The following MFAP1 variants were observed in gnomAD, a reference collection of about 807,000 sequenced individuals.
The protein encoded by MFAP1 is microfibril associated protein 1.
MFAP1 carries 18 observed loss-of-function variants against 62.2 expected under a neutral mutation model. The ratio of observed to expected loss-of-function variants is 0.29; its 90% confidence interval spans 0.20 to 0.43. MFAP1 has a LOEUF of 0.43. MFAP1 is among the 20% of genes least tolerant of loss of function. The probability of loss-of-function intolerance (pLI) is 1.00; values close to 1 mark genes in which losing one functional copy is unlikely to be tolerated. For synonymous variants in MFAP1, 175 were observed against 180.4 expected (o/e 0.97, Z 0.24); for missense variants, 355 against 559.7 (o/e 0.63, Z 3.69).
intron 8 of MFAP1, 44 bp downstream of exon 8, chr15:43,805,332 C>G: frequency 6.9e-6 from 11 of 1,603,370 alleles, no homozygotes; most frequent in Non-Finnish European, 9.4e-6. Context: ...CCTCAGCTAT[C>G]AATACATCAC....
chr15:43,809,493 TAA>T (rs760823604), intron 7 of MFAP1, among the ~76,000 whole-genome samples: 24 of 139,350 alleles, frequency 1.7e-4, no homozygotes, highest in East Asian at 2.1e-4. Context: ...CTCTGTCTCT[TAA>T]AAAAAAAAAA....
intron 7 of MFAP1, among the ~76,000 whole-genome samples, chr15:43,807,223 C>T (rs1227244970): frequency 1.3e-5 from 2 of 151,330 alleles, no homozygotes; most frequent in African/African-American, 2.4e-5. Context: ...TGGTGGTACA[C>T]GCCTGTATTC....
At chr15:43,819,210 A>AAAACG (rs1422949375) in intron 1 of MFAP1, among the ~76,000 whole-genome samples, 12 of 152,182 alleles carry the variant, frequency 7.9e-5, no homozygotes, top group Non-Finnish European at 1.5e-4. Context: ...AAAACAAAAC[A>AAAACG]AAACAAAATT....
rs548201833 is a variant in MFAP1 at position 43,813,030 on chromosome 15, G to C, written c.844C>G (p.Arg282Gly). 1 of 1,613,994 alleles carries C rather than the reference G, an allele frequency of 6.2e-7. No individual in the cohort carries two copies. Among genetic ancestry groups the C allele is most frequent in the Non-Finnish European group, 8.5e-7 (1 of 1,180,016 alleles). Residue 282 changes from arginine (R) to glycine (G), a missense_variant, in exon 6 of 9, where the codon CGA becomes GGA. Coordinates refer to ENST00000267812, the MANE Select transcript of MFAP1 (RefSeq NM_005926.3). Reference sequence around the variant, plus strand: ...TCCCTCTTGATTCTTTTTAGCTCTCGAACTTTCCATGCCTCATATTCCTCC... The same window carrying C: ...TCCCTCTTGATTCTTTTTAGCTCTCCAACTTTCCATGCCTCATATTCCTCC... ...DEEEYEAWKV[R>G]ELKRIKRDRE... is the part of the protein sequence containing the mutation.
chr15:43,809,110 G>C (rs2141705404), intron 7 of MFAP1, among the ~76,000 whole-genome samples: 1 of 152,262 alleles, frequency 6.6e-6, no homozygotes, highest in Middle Eastern at 3.4e-3. Flanking sequence ...AGCTATGAAA[G>C]AATGACAACT....
intron 1 of MFAP1, among the ~76,000 whole-genome samples, chr15:43,823,394 TG>T (rs1222933916): frequency 6.6e-6 from 1 of 151,288 alleles, no homozygotes; most frequent in African/African-American, 2.4e-5. Context: ...TTTTTTTTTT[TG>T]AGAGAGTGTC....
At position 43,804,919 on chromosome 15, in the gene MFAP1, A is replaced by T; in HGVS notation, c.*175T>A. ...AGTGCTTTCCTGTGGGTTTCTCAGC[A>T]TGAGTCCAAACCTCACAAAGCACCT... On this transcript the variant is annotated 3_prime_UTR_variant, in exon 9 of 9. Transcript: ENST00000267812. The T allele has an allele frequency of 1.7e-6, 1 of 600,046 alleles. No homozygotes were observed. The highest frequency in any genetic ancestry group is 2.8e-6 in the Non-Finnish European group (1 of 361,466). The allele number at this position is 600,046 out of a possible 1,614,324, so 37.2% of individuals were successfully genotyped here. A position where few individuals can be genotyped will look rare whatever the true frequency, so the allele number is the denominator to read the frequency against.
chr15:43,824,602 G>C lies in MFAP1; in HGVS notation c.-33C>G. 6.2e-7 allele frequency: 1 copy of C among 1,611,940 alleles called. No homozygotes were observed. The highest frequency in any genetic ancestry group is 8.5e-7 in the Non-Finnish European group (1 of 1,178,032). ...GCAGCGACGGTGATTCCCGAAACTT[G>C]ACTAATTCCAAACAGTGAACACCAG... On this transcript the variant is annotated 5_prime_UTR_variant, in exon 1 of 9. Transcript: ENST00000267812.
chr15:43,820,733 G>C (rs766747444), intron 1 of MFAP1, among the ~76,000 whole-genome samples: 1 of 152,084 alleles, frequency 6.6e-6, no homozygotes, highest in Non-Finnish European at 1.5e-5. Flanking sequence ...AGCCTCCCAA[G>C]TAGCTGGGAC....
intron 2 of MFAP1, among the ~76,000 whole-genome samples, chr15:43,816,578 T>C (rs149103673): frequency 2.0e-5 from 3 of 152,268 alleles, no homozygotes; most frequent in East Asian, 3.9e-4. Flanking sequence ...GGCAAAGTTA[T>C]TAGGACATAA....
At chr15:43,817,175 T>C in intron 2 of MFAP1, 54 bp downstream of exon 2, 1 of 1,484,476 alleles carries the variant, frequency 6.7e-7, no homozygotes, top group Non-Finnish European at 9.4e-7. Context: ...GCTATTATTA[T>C]TATTATTAAG....
At chr15:43,821,710 T>G (rs1017029378) in intron 1 of MFAP1, among the ~76,000 whole-genome samples, 4 of 152,158 alleles carry the variant, frequency 2.6e-5, no homozygotes, top group Non-Finnish European at 5.9e-5. Flanking sequence ...AAAACTTATC[T>G]TAAATATTTA....
chr15:43,808,257 G>T (rs1040339708), intron 7 of MFAP1, among the ~76,000 whole-genome samples: 10 of 152,234 alleles, frequency 6.6e-5, no homozygotes, highest in Non-Finnish European at 2.9e-5. Flanking sequence ...CCAGGCTGCA[G>T]TGCAGTGGCA....
chr15:43,806,176 GTGTT>G (rs2087364070), intron 7 of MFAP1, among the ~76,000 whole-genome samples: 1 of 152,098 alleles, frequency 6.6e-6, no homozygotes, highest in African/African-American at 2.4e-5. Context: ...TGCACTCAAT[GTGTT>G]TGTTTACTCA....
intron 2 of MFAP1, among the ~76,000 whole-genome samples, chr15:43,816,861 TA>T (rs1368057185): frequency 1.3e-5 from 2 of 152,206 alleles, no homozygotes; most frequent in Admixed American, 6.5e-5. Flanking sequence ...AGTAGATGTA[TA>T]AAATCAATTT....
At chr15:43,819,137 G>A (rs1430148274) in intron 1 of MFAP1, among the ~76,000 whole-genome samples, 5 of 152,124 alleles carry the variant, frequency 3.3e-5, no homozygotes, top group Non-Finnish European at 7.3e-5. Flanking sequence ...AGGTTGCAGT[G>A]AGCTGAGATC....
At chr15:43,814,727 C>T in intron 3 of MFAP1, 39 bp from the exon 4 acceptor site, 1 of 1,594,536 alleles carries the variant, frequency 6.3e-7, no homozygotes, top group Non-Finnish European at 8.5e-7. Context: ...GTCAAATGGC[C>T]TATGGCTTTT....
At chr15:43,810,851 G>C (rs1244626347) in intron 6 of MFAP1, among the ~76,000 whole-genome samples, 4 of 151,896 alleles carry the variant, frequency 2.6e-5, no homozygotes, top group Non-Finnish European at 5.9e-5. Context: ...CTGCCTCCCA[G>C]GTTCAAGCTA....
At chr15:43,818,073 G>A (rs568714520) in intron 1 of MFAP1, among the ~76,000 whole-genome samples, 136 of 146,984 alleles carry the variant, frequency 9.3e-4, no homozygotes, top group Non-Finnish European at 1.5e-3. Flanking sequence ...AGGCTGGAGT[G>A]CAGTGGCGTG....
Sources: allele counts gnomAD v4.1 joint callset (sites outside exome capture counted in the v4.1 genomes callset), GRCh38; gene constraint gnomAD v4.1.1; transcripts MANE v1.5; gene names NCBI Gene and HGNC (gene_info 2026-07-23, HGNC 2026-07-21).